The following LY75 variants were observed in gnomAD, a reference collection of about 807,000 sequenced individuals.
LY75 encodes the protein C-type lectin domain family 13 member B.
LY75 carries 185 observed loss-of-function variants against 231.7 expected under a neutral mutation model. The observed-to-expected ratio is 0.80, with a 90% CI of 0.71 to 0.90. The LOEUF (loss-of-function observed/expected upper bound fraction) is 0.90. LY75 is among the 40% of genes least tolerant of loss of function. The pLI is 0.00. For synonymous variants in LY75, 668 were observed against 689.0 expected (o/e 0.97, Z 0.48); for missense variants, 1,947 against 2,050.2 (o/e 0.95, Z 0.97).
chr2:159,860,027 CT>C (rs1684658610), intron 15 of LY75, among the ~76,000 whole-genome samples: 1 of 152,144 alleles, frequency 6.6e-6, no homozygotes, highest in Non-Finnish European at 1.5e-5. Context: ...TCTTTATTTC[CT>C]ACTAGACTTT....
At chr2:159,815,074 C>T (rs1400207172) in intron 31 of LY75, among the ~76,000 whole-genome samples, 1 of 148,798 alleles carries the variant, frequency 6.7e-6, no homozygotes. Flanking sequence ...AATCTCGGCT[C>T]ACTGCAAGCT....
intron 16 of LY75, 35 bp from the exon 17 acceptor site, chr2:159,854,974 C>A: frequency 6.2e-7 from 1 of 1,612,718 alleles, no homozygotes; most frequent in South Asian, 1.1e-5. Flanking sequence ...CATTAGTATT[C>A]CATGACAGAT....
intron 6 of LY75, among the ~76,000 whole-genome samples, chr2:159,882,977 A>T (rs1685480333): frequency 6.6e-6 from 1 of 152,058 alleles, no homozygotes; most frequent in South Asian, 2.1e-4. Context: ...TTTCCAGATT[A>T]GAAAAAAAGA....
intron 31 of LY75, among the ~76,000 whole-genome samples, chr2:159,813,217 T>C (rs1190932136): frequency 6.6e-6 from 1 of 152,236 alleles, no homozygotes; most frequent in Non-Finnish European, 1.5e-5. Flanking sequence ...TACATGTTTT[T>C]GAAGAATTGC....
chr2:159,823,648 C>T (rs1683369643), intron 28 of LY75, among the ~76,000 whole-genome samples: 1 of 152,072 alleles, frequency 6.6e-6, no homozygotes, highest in African/African-American at 2.4e-5. Context: ...ACATAATCAT[C>T]AAATTTACCA....
chr2:159,893,122 T>C (rs552814503), intron 3 of LY75, among the ~76,000 whole-genome samples: 1 of 152,288 alleles, frequency 6.6e-6, no homozygotes, highest in South Asian at 2.1e-4. Context: ...CTGAAACAGA[T>C]TGTCATCTGG....
At chr2:159,839,440 C>A (rs1018474350) in intron 25 of LY75, among the ~76,000 whole-genome samples, 12 of 152,172 alleles carry the variant, frequency 7.9e-5, no homozygotes, top group African/African-American at 2.7e-4. Flanking sequence ...TAGTAGGAGA[C>A]TAGCATTCTT....
chr2:159,808,397 A>G, intron 33 of LY75, 52 bp downstream of exon 33: 1 of 1,611,968 alleles, frequency 6.2e-7, no homozygotes, highest in Admixed American at 1.7e-5. Context: ...CTTGTTATTT[A>G]GGATGAGTTA....
At position 159,816,806 on chromosome 2, in the gene LY75, A is replaced by G. The variant is rs761301626; in HGVS notation, c.4380T>C (p.Asp1460=). The G allele has an allele frequency of 3.1e-6, 5 of 1,613,468 alleles. No individual in the cohort carries two copies. The highest frequency in any genetic ancestry group is 1.6e-4 in the Middle Eastern group (1 of 6,062). ...FPLWVGLSSH[D]GSESSFEWSD... ...TTCTGGAAAACGAAGCAAGACTTAC[A>G]TCATGACTTGAGAGCCCAACCCATA... The change falls in exon 30 of 35, where the codon GAT becomes GAC. Residue 1460 remains aspartate (D), a splice_region_variant and synonymous_variant. Coordinates refer to ENST00000263636, the MANE Select transcript of LY75 (RefSeq NM_002349.4).
At chr2:159,893,794 C>T in intron 3 of LY75, 120 bp downstream of exon 3, 2 of 1,378,586 alleles carry the variant, frequency 1.5e-6, no homozygotes, top group Non-Finnish European at 9.7e-7. Flanking sequence ...CAAACATACA[C>T]TTCTTATCCG....
chr2:159,842,152 C>A, intron 24 of LY75, 93 bp downstream of exon 24: 1 of 1,433,654 alleles, frequency 7.0e-7, no homozygotes, highest in Non-Finnish European at 9.2e-7. Flanking sequence ...ACCTATGTTC[C>A]CCTCCCTCCC....
intron 25 of LY75, among the ~76,000 whole-genome samples, chr2:159,836,528 C>T (rs1683833101): frequency 6.6e-6 from 1 of 152,182 alleles, no homozygotes; most frequent in African/African-American, 2.4e-5. Context: ...ACCTTACATA[C>T]CCACTGGTGG....
Position 159,835,536 on chromosome 2 carries a change from C to T in LY75, c.3617G>A (p.Trp1206Ter). The T allele has an allele frequency of 6.2e-7, 1 of 1,612,598 alleles. No individual in the cohort carries two copies. Among genetic ancestry groups the T allele is most frequent in the South Asian group, 1.1e-5 (1 of 90,610 alleles). Residue 1206 changes from tryptophan (W) to a stop codon, truncating the protein, a stop_gained, in exon 26 of 35, where the codon TGG becomes TAG. Transcript: ENST00000263636. LOFTEE classifies it high-confidence loss of function. Reference sequence around the variant, plus strand: ...ATTGTCATTGCAATCAACTGTTTTCCAGAATCCATCAGTGTCTAATACTAC... The same window carrying T: ...ATTGTCATTGCAATCAACTGTTTTCTAGAATCCATCAGTGTCTAATACTAC... ...DCVVLDTDGF[W>*]KTVDCNDNQP...
At chr2:159,870,747 A>G (rs142327651) in intron 13 of LY75, among the ~76,000 whole-genome samples, 1,887 of 151,364 alleles carry the variant, frequency 0.012, 19 homozygotes, top group Non-Finnish European at 0.019. Flanking sequence ...CCTGGTTTCA[A>G]GCAATCCTCT....
At chr2:159,892,152 ATCTGTGT>A (rs768274096) in intron 3 of LY75, among the ~76,000 whole-genome samples, 12 of 152,162 alleles carry the variant, frequency 7.9e-5, no homozygotes, top group Non-Finnish European at 1.8e-4. Flanking sequence ...GGCCCTAGAT[ATCTGTGT>A]TCTAACAAAC....
intron 30 of LY75, 131 bp downstream of exon 30, chr2:159,816,675 G>A: frequency 7.6e-7 from 1 of 1,323,170 alleles, no homozygotes; most frequent in South Asian, 1.5e-5. Flanking sequence ...AGGTAAGAAA[G>A]CACCATGCTA....
In LY75 at chr2:159,807,115, T is replaced by C. The variant is rs1019500703; in HGVS notation, c.4848A>G (p.Gly1616=). The C allele has an allele frequency of 3.1e-6, 5 of 1,613,600 alleles. No homozygotes were observed. The Admixed American group carries it at 6.7e-5, about 22-fold the overall frequency. Residue 1616 remains glycine (G), a synonymous_variant, in exon 34 of 35, where the codon GGA becomes GGG. Transcript: ENST00000263636. The part of the protein sequence containing the change: ...SVDQSWSWLD[G]SEVTFVKWEN... ...CCCATTTGACAAATGTCACTTCTGATCCATCTAACCAACTCCAAGACTGGT... is the reference window on the plus strand; with the variant it reads ...CCCATTTGACAAATGTCACTTCTGACCCATCTAACCAACTCCAAGACTGGT...
At chr2:159,874,678 TATATGTAA>T (rs1213634132) in intron 12 of LY75, among the ~76,000 whole-genome samples, 3 of 28,200 alleles carry the variant, frequency 1.1e-4, no homozygotes, top group Non-Finnish European at 1.6e-4. Context: ...ATTTTGTAAA[TATATGTAA>T]ATATATATAT....
At chr2:159,850,853 A>C (rs1684382247) in intron 21 of LY75, among the ~76,000 whole-genome samples, 2 of 141,436 alleles carry the variant, frequency 1.4e-5, no homozygotes, top group African/African-American at 5.3e-5. Flanking sequence ...TATATATTTT[A>C]TATTATATCT....
Sources: gnomAD v4.1 joint callset for allele counts (sites outside exome capture counted in the v4.1 genomes callset) on GRCh38, gnomAD v4.1.1 for gene constraint, MANE v1.5 for transcripts, NCBI Gene and HGNC (gene_info 2026-07-23, HGNC 2026-07-21) for gene names.